Variants in ASNS observed in about 807,000 individuals in gnomAD.
The protein encoded by ASNS is asparagine synthetase (glutamine-hydrolyzing).
In ASNS, 37 loss-of-function variants were observed where a neutral mutation model predicts 62.6. The observed-to-expected ratio is 0.59, with a 90% CI of 0.45 to 0.78. The LOEUF (loss-of-function observed/expected upper bound fraction) is 0.78, where lower values mean the gene tolerates loss of function less well. ASNS is among the 30% of genes least tolerant of loss of function. ASNS has a pLI of 0.00. For missense variants in ASNS, 520 were observed against 682.4 expected, an observed-to-expected ratio of 0.76 and a Z score of 2.65; for synonymous variants, 207 against 237.9, an observed-to-expected ratio of 0.87 and a Z score of 1.19.
the ASNS span, among the ~76,000 whole-genome samples, chr7:97,884,617 C>A: frequency 6.6e-6 from 1 of 152,198 alleles, no homozygotes; most frequent in Non-Finnish European, 1.5e-5. Context: ...CTGTTTCTCA[C>A]CCTGAAATGC....
the ASNS span, among the ~76,000 whole-genome samples, chr7:97,881,389 C>T: frequency 4.7e-5 from 7 of 148,660 alleles, no homozygotes; most frequent in Admixed American, 1.3e-4. Flanking sequence ...CCCCGCCCCC[C>T]CAAAAAATAA....
chr7:97,869,525 G>C (rs570404457), intron 2 of ASNS, among the ~76,000 whole-genome samples: 4 of 152,272 alleles, frequency 2.6e-5, no homozygotes, highest in African/African-American at 9.6e-5. Flanking sequence ...CCAAGATACA[G>C]ATACAAATGC....
chr7:97,885,661 CT>C, the ASNS span, among the ~76,000 whole-genome samples: 751 of 152,344 alleles, frequency 4.9e-3, 3 homozygotes, highest in Non-Finnish European at 7.7e-3. Context: ...CACATATTTA[CT>C]TTTGCATTTT....
chr7:97,864,113 C>T, intron 4 of ASNS, 146 bp downstream of exon 4: 1 of 675,056 alleles, frequency 1.5e-6, no homozygotes, highest in Non-Finnish European at 2.5e-6. Context: ...AGTACAACTC[C>T]TCTGTTTTTT....
the ASNS span, among the ~76,000 whole-genome samples, chr7:97,887,962 C>T: frequency 6.6e-6 from 1 of 152,156 alleles, no homozygotes; most frequent in Non-Finnish European, 1.5e-5. Flanking sequence ...TTCTCCAACC[C>T]GCCCCAACCA....
the ASNS span, among the ~76,000 whole-genome samples, chr7:97,881,126 G>C: frequency 6.6e-6 from 1 of 152,178 alleles, no homozygotes; most frequent in Non-Finnish European, 1.5e-5. Flanking sequence ...ATTTTTAATA[G>C]AGATAGGGTT....
rs41278833 is a variant in ASNS at position 97,859,478 on chromosome 7, A to G, written c.488-80T>C. 107,326 of 1,416,894 alleles carry G rather than the reference A, an allele frequency of 0.076. 5,041 individuals carry two copies. Among genetic ancestry groups the G allele is most frequent in the African/African-American group, 0.21 (14,650 of 69,704 alleles). 87.8% of individuals were successfully genotyped at this position (1,416,894 alleles called of 1,614,324 possible). ...TTCACGATTAGTTAACATCATCTACATTCCTATTTTCCCTTTTTAATACAA... is the reference window on the plus strand; with the variant it reads ...TTCACGATTAGTTAACATCATCTACGTTCCTATTTTCCCTTTTTAATACAA... On this transcript the variant is annotated intron_variant, in intron 4 of 12. Transcript: ENST00000394308.
At chr7:97,900,491 C>T in the ASNS span, among the ~76,000 whole-genome samples, 1 of 152,110 alleles carries the variant, frequency 6.6e-6, no homozygotes, top group South Asian at 2.1e-4. Context: ...TTAACAACTT[C>T]CCAAACAATT....
At chr7:97,900,738 C>G in the ASNS span, among the ~76,000 whole-genome samples, 843 of 152,196 alleles carry the variant, frequency 5.5e-3, 11 homozygotes, top group African/African-American at 0.019. Flanking sequence ...CTGCTCCAAT[C>G]GTGGAGGAAG....
At chr7:97,899,090 T>C in the ASNS span, 2 of 512,864 alleles carry the variant, frequency 3.9e-6, no homozygotes, top group African/African-American at 1.9e-5. Flanking sequence ...TTGCCACCTT[T>C]CATAAGGCAC....
At chr7:97,909,101 T>A in the ASNS span, 1 of 152,150 alleles carries the variant, frequency 6.6e-6, no homozygotes, top group Non-Finnish European at 1.5e-5. Context: ...AATGGTTTGA[T>A]CAAGGTTGAA....
chr7:97,877,095 CTTTTT>C (rs55853302), upstream of ASNS, among the ~76,000 whole-genome samples: 2 of 120,436 alleles, frequency 1.7e-5, no homozygotes, highest in Non-Finnish European at 1.7e-5. Flanking sequence ...CATTTAACTT[CTTTTT>C]TTTTTTTTTT....
chr7:97,858,289 C>A lies in ASNS; in HGVS notation c.892G>T (p.Ala298Ser). ...AGACAGCACCTTACCTTTCTAGCAG[C>A]CAGTAAATCGGGGCTGTCTTCCATG... ...IGMEDSPDLLAARKVADHIGS... is the reference protein window; with the variant it reads ...IGMEDSPDLLSARKVADHIGS... Residue 298 changes from alanine (A) to serine (S), a missense_variant, in exon 7 of 13, where the codon GCT (alanine) becomes TCT (serine). Physicochemically the swap from Ala to Ser is moderately conservative, Grantham distance 99 (BLOSUM62 1). Coordinates refer to ENST00000394308, the MANE Select transcript of ASNS (RefSeq NM_001673.5). 1 of 1,613,058 alleles carries A rather than the reference C, an allele frequency of 6.2e-7. No individual in the cohort carries two copies. Among genetic ancestry groups the A allele is most frequent in the Non-Finnish European group, 8.5e-7 (1 of 1,179,980 alleles).
the ASNS span, among the ~76,000 whole-genome samples, chr7:97,903,157 C>T: frequency 6.6e-6 from 1 of 152,008 alleles, no homozygotes; most frequent in Non-Finnish European, 1.5e-5. Context: ...CTTTCGTGCT[C>T]AGGATCTTTT....
the ASNS span, among the ~76,000 whole-genome samples, chr7:97,877,762 C>G: frequency 6.6e-6 from 1 of 152,268 alleles, no homozygotes; most frequent in Admixed American, 6.5e-5. Context: ...CTGATTAGGT[C>G]TGGCCCACCT....
chr7:97,887,726 G>T, the ASNS span, among the ~76,000 whole-genome samples: 3 of 152,166 alleles, frequency 2.0e-5, no homozygotes, highest in African/African-American at 7.2e-5. Flanking sequence ...GAAAATAAAC[G>T]ATTGTTGTAT....
the ASNS span, among the ~76,000 whole-genome samples, chr7:97,885,287 C>A: frequency 6.6e-6 from 1 of 152,258 alleles, no homozygotes; most frequent in African/African-American, 2.4e-5. Flanking sequence ...TTTCTCCACT[C>A]ATCAGTAGAC....
At chr7:97,912,248 T>C in the ASNS span, among the ~76,000 whole-genome samples, 1 of 152,222 alleles carries the variant, frequency 6.6e-6, no homozygotes, top group African/African-American at 2.4e-5. Flanking sequence ...TCTGGAGCTG[T>C]CTTAGTTGTA....
At chr7:97,854,436 C>T in intron 10 of ASNS, 144 bp downstream of exon 10, 1 of 972,692 alleles carries the variant, frequency 1.0e-6, no homozygotes. Context: ...ATAAAAGTCA[C>T]ACTTTGTAAC....
Sources: allele counts gnomAD v4.1 joint callset (sites outside exome capture counted in the v4.1 genomes callset), GRCh38; gene constraint gnomAD v4.1.1; transcripts MANE v1.5; gene names NCBI Gene and HGNC (gene_info 2026-07-23, HGNC 2026-07-21).